The following FKBP9 variants were observed in gnomAD, a reference collection of about 807,000 sequenced individuals.
The protein encoded by FKBP9 is peptidyl-prolyl cis-trans isomerase FKBP9.
Under a neutral mutation model 55.6 loss-of-function variants are expected in FKBP9, and 27 were observed. The observed-to-expected ratio is 0.49, with a 90% CI of 0.36 to 0.67. The LOEUF (loss-of-function observed/expected upper bound fraction) is 0.67. Among genes scored for constraint, FKBP9 ranks in the 30% least tolerant of loss-of-function variants. The pLI is 0.00. For synonymous variants in FKBP9, 267 were observed against 296.5 expected, an observed-to-expected ratio of 0.90 and a Z score of 1.02; for missense variants, 539 against 742.8, an observed-to-expected ratio of 0.73 and a Z score of 3.19.
intron 4 of FKBP9, among the ~76,000 whole-genome samples, chr7:32,980,052 T>C (rs1007892649): frequency 6.6e-6 from 1 of 152,242 alleles, no homozygotes; most frequent in Non-Finnish European, 1.5e-5. Context: ...GAGGTATGTA[T>C]TTGGGTTTGC....
At chr7:33,003,162 G>A (rs1020692559) in intron 9 of FKBP9, among the ~76,000 whole-genome samples, 120 of 152,286 alleles carry the variant, frequency 7.9e-4, no homozygotes, top group African/African-American at 2.6e-3. Context: ...GGCCCTCACA[G>A]CAGCTGTTTT....
intron 1 of FKBP9, among the ~76,000 whole-genome samples, chr7:32,974,316 G>A (rs1784316473): frequency 6.6e-6 from 1 of 151,570 alleles, no homozygotes; most frequent in Admixed American, 6.6e-5. Flanking sequence ...TCTTTTTTGT[G>A]TGTGTGAAAG....
chr7:32,991,054 C>A (rs191754864), intron 6 of FKBP9, among the ~76,000 whole-genome samples: 1 of 152,158 alleles, frequency 6.6e-6, no homozygotes, highest in Non-Finnish European at 1.5e-5. Flanking sequence ...TGCTTTTTAT[C>A]GTGTGGATTT....
At chr7:32,989,566 C>A (rs1445808474) in intron 6 of FKBP9, among the ~76,000 whole-genome samples, 6 of 152,018 alleles carry the variant, frequency 3.9e-5, no homozygotes, top group Non-Finnish European at 8.8e-5. Flanking sequence ...CAGGCATGTG[C>A]CACCACGCCT....
intron 1 of FKBP9, among the ~76,000 whole-genome samples, chr7:32,973,682 GTTTTTT>G (rs745717239): frequency 2.8e-4 from 18 of 64,988 alleles, no homozygotes; most frequent in East Asian, 9.2e-4. Context: ...GTTTTTTGTT[GTTTTTT>G]TTTTTTTTTT....
chr7:32,970,173 C>A (rs749812849), intron 1 of FKBP9, among the ~76,000 whole-genome samples: 1 of 151,914 alleles, frequency 6.6e-6, no homozygotes, highest in Admixed American at 6.6e-5. Flanking sequence ...AATGTCTTTC[C>A]ATTTATTCGT....
chr7:32,971,052 G>C (rs1423210278), intron 1 of FKBP9, among the ~76,000 whole-genome samples: 8 of 150,532 alleles, frequency 5.3e-5, no homozygotes, highest in Non-Finnish European at 1.2e-4. Context: ...GAACAGCTTC[G>C]TTTGGGTGTG....
chr7:32,961,007 G>A (rs918226112), intron 1 of FKBP9, among the ~76,000 whole-genome samples: 1 of 152,224 alleles, frequency 6.6e-6, no homozygotes, highest in Non-Finnish European at 1.5e-5. Flanking sequence ...AGGAACATAA[G>A]TACTAAGTGG....
intron 5 of FKBP9, among the ~76,000 whole-genome samples, chr7:32,984,763 A>T (rs1784543294): frequency 6.6e-6 from 1 of 152,192 alleles, no homozygotes; most frequent in African/African-American, 2.4e-5. Context: ...CTGTGACAGG[A>T]AGGATTTAAC....
At chr7:32,965,095 TTGCCTCCCTTCTGTTA>T (rs1358672915) in intron 1 of FKBP9, among the ~76,000 whole-genome samples, 1 of 152,188 alleles carries the variant, frequency 6.6e-6, no homozygotes, top group Non-Finnish European at 1.5e-5. Context: ...CTTCCTTACT[TTGCCTCCCTTCTGTTA>T]TGGGTTCTCA....
At chr7:32,967,090 T>C (rs945027279) in intron 1 of FKBP9, among the ~76,000 whole-genome samples, 1 of 152,210 alleles carries the variant, frequency 6.6e-6, no homozygotes, top group African/African-American at 2.4e-5. Flanking sequence ...CCGGTTCCTG[T>C]CAGGTAACCC....
chr7:32,981,896 CAAAAA>C (rs535925227), intron 5 of FKBP9, among the ~76,000 whole-genome samples: 1 of 98,170 alleles, frequency 1.0e-5, no homozygotes, highest in Non-Finnish European at 2.1e-5. Context: ...GACTCTGTCT[CAAAAA>C]AAAAAAAAAA....
chr7:32,997,037 A>G (rs565962660), intron 7 of FKBP9, among the ~76,000 whole-genome samples: 118 of 148,844 alleles, frequency 7.9e-4, no homozygotes, highest in African/African-American at 2.7e-3. Flanking sequence ...CTCATGATCC[A>G]CCCGCCTCGG....
intron 8 of FKBP9, 48 bp downstream of exon 8, chr7:33,000,308 T>C: frequency 1.1e-5 from 16 of 1,507,430 alleles, no homozygotes; most frequent in Non-Finnish European, 1.5e-5. Flanking sequence ...GCTTACTATC[T>C]GAATTTTGTG....
intron 8 of FKBP9, among the ~76,000 whole-genome samples, 168 bp from the exon 9 acceptor site, chr7:33,002,508 C>T (rs1226118744): frequency 3.3e-5 from 5 of 152,184 alleles, no homozygotes; most frequent in East Asian, 3.8e-4. Context: ...GAGTCATTAA[C>T]GGGCCACTGC....
chr7:32,983,254 C>A (rs1357227950), intron 5 of FKBP9, among the ~76,000 whole-genome samples: 1 of 152,000 alleles, frequency 6.6e-6, no homozygotes, highest in Non-Finnish European at 1.5e-5. Flanking sequence ...GAACTCCTGA[C>A]CTCAGGTGAT....
At chr7:32,998,683 C>G (rs911123881) in intron 7 of FKBP9, 1 of 152,128 alleles carries the variant, frequency 6.6e-6, no homozygotes, top group Non-Finnish European at 1.5e-5. Flanking sequence ...TGGGCTGGGC[C>G]CCATTCATCA....
At chr7:33,004,944 G>T (rs1785004766) in intron 9 of FKBP9, among the ~76,000 whole-genome samples, 1 of 152,072 alleles carries the variant, frequency 6.6e-6, no homozygotes, top group South Asian at 2.1e-4. Flanking sequence ...TTGGCTACCT[G>T]AATAATAAGG....
At chr7:32,963,807 G>T in intron 1 of FKBP9, 1 of 1,224,652 alleles carries the variant, frequency 8.2e-7, no homozygotes, top group Non-Finnish European at 1.0e-6. Flanking sequence ...ATGACCTCTG[G>T]GATCCAGCAC....
Sources: gnomAD v4.1 joint callset for allele counts (sites outside exome capture counted in the v4.1 genomes callset) on GRCh38, gnomAD v4.1.1 for gene constraint, MANE v1.5 for transcripts, NCBI Gene and HGNC (gene_info 2026-07-23, HGNC 2026-07-21) for gene names.